Variants in BTBD9 observed in about 807,000 individuals in gnomAD.
The protein encoded by BTBD9 is BTB/POZ domain-containing protein 9.
A neutral mutation model predicts 64.3 loss-of-function variants in BTBD9; 49 were observed. The ratio of observed to expected loss-of-function variants is 0.76; its 90% CI spans 0.61 to 0.97. The LOEUF (loss-of-function observed/expected upper bound fraction) is 0.97, where lower values mean the gene tolerates loss of function less well. Ranked by LOEUF, BTBD9 falls within the 50% of genes least tolerant of loss-of-function variation. The pLI, the probability that BTBD9 is intolerant of heterozygous loss-of-function variation, is 0.00. For synonymous variants in BTBD9, 260 were observed against 274.7 expected (o/e 0.95, Z 0.53); for missense variants, 598 against 762.1 (o/e 0.78, Z 2.53).
intron 6 of BTBD9, among the ~76,000 whole-genome samples, chr6:38,358,436 GAGTGCCAA>G (rs1220402018): frequency 6.6e-6 from 1 of 152,204 alleles, no homozygotes; most frequent in Non-Finnish European, 1.5e-5. Flanking sequence ...TACGGGAATA[GAGTGCCAA>G]AGTAGGAGAA....
intron 6 of BTBD9, among the ~76,000 whole-genome samples, chr6:38,525,283 A>T (rs1377315547): frequency 1.3e-5 from 2 of 152,220 alleles, no homozygotes; most frequent in Non-Finnish European, 2.9e-5. Flanking sequence ...CAACCTTGTA[A>T]AGAAGGTGCC....
At position 38,262,476 on chromosome 6, in the gene BTBD9, T is replaced by C. The variant is rs539677973; in HGVS notation, c.1455-5960A>G. ...AAAGCAGTGAAGTGCTGGGCTTTTT[T>C]TTTTTTTTAATTGATTAGCAGATGT... On this transcript the variant is annotated intron_variant, in intron 8 of 10. Coordinates refer to ENST00000481247, the MANE Select transcript of BTBD9 (RefSeq NM_001099272.2). 2.0e-5 allele frequency among the ~76,000 whole-genome samples: 3 copies of C among 152,236 alleles called. No homozygotes were observed. In the East Asian group the frequency reaches 5.8e-4, roughly 29 times the overall value.
At chr6:38,484,020 T>A (rs1220195028) in intron 6 of BTBD9, among the ~76,000 whole-genome samples, 4 of 152,248 alleles carry the variant, frequency 2.6e-5, no homozygotes, top group Non-Finnish European at 5.9e-5. Flanking sequence ...TTAATCTCGT[T>A]TACTGCTATA....
At chr6:38,351,892 C>A (rs1222588078) in intron 6 of BTBD9, among the ~76,000 whole-genome samples, 2 of 151,966 alleles carry the variant, frequency 1.3e-5, no homozygotes, top group African/African-American at 4.8e-5. Flanking sequence ...CATGATGTGC[C>A]TGATGTGCCT....
At chr6:38,393,336 C>T (rs4714156) in intron 6 of BTBD9, among the ~76,000 whole-genome samples, 55,801 of 152,024 alleles carry the variant, frequency 0.37, 12,426 homozygotes, top group East Asian at 0.84. Flanking sequence ...CCAACATTGT[C>T]GACAAGTCTC....
intron 7 of BTBD9, among the ~76,000 whole-genome samples, chr6:38,341,848 G>A (rs909837226): frequency 7.9e-5 from 12 of 152,214 alleles, no homozygotes; most frequent in Admixed American, 6.5e-5. Context: ...TGTAGTGGCA[G>A]CAGCAAAGGT....
chr6:38,572,879 TAA>T, intron 6 of BTBD9, among the ~76,000 whole-genome samples: 1 of 152,002 alleles, frequency 6.6e-6, no homozygotes, highest in South Asian at 2.1e-4. Flanking sequence ...AGAAATCATT[TAA>T]AAGACTGACA....
intron 1 of BTBD9, among the ~76,000 whole-genome samples, chr6:38,612,665 CAG>C (rs1274749942): frequency 6.6e-6 from 1 of 152,116 alleles, no homozygotes; most frequent in Non-Finnish European, 1.5e-5. Context: ...TGGGGAAATG[CAG>C]AGTCTCAATT....
chr6:38,465,808 A>T (rs1359340041), intron 6 of BTBD9, among the ~76,000 whole-genome samples: 1 of 110,304 alleles, frequency 9.1e-6, no homozygotes, highest in Admixed American at 9.9e-5. Context: ...GACTTAGGTA[A>T]TTTTTATCTT....
intron 9 of BTBD9, among the ~76,000 whole-genome samples, chr6:38,249,775 T>G (rs1024403786): frequency 1.6e-4 from 22 of 138,936 alleles, no homozygotes; most frequent in African/African-American, 5.0e-4. Flanking sequence ...AAAAAAAAAG[T>G]ATATAAGACT....
chr6:38,498,466 A>AC (rs1314800140), intron 6 of BTBD9, among the ~76,000 whole-genome samples: 1 of 151,578 alleles, frequency 6.6e-6, no homozygotes, highest in Non-Finnish European at 1.5e-5. Context: ...CTAAAAAAAA[A>AC]AAAAAAAAAC....
intron 9 of BTBD9, among the ~76,000 whole-genome samples, chr6:38,210,815 C>T (rs903796371): frequency 6.6e-6 from 1 of 152,132 alleles, no homozygotes. Context: ...TACCTTTACC[C>T]TTGTCTATTA....
At chr6:38,587,492 C>T (rs1582677801) in intron 4 of BTBD9, 2 of 549,722 alleles carry the variant, frequency 3.6e-6, no homozygotes, top group East Asian at 8.9e-5. Flanking sequence ...GTTGAAGTAA[C>T]AATAAAGTAT....
intron 6 of BTBD9, among the ~76,000 whole-genome samples, chr6:38,425,250 C>T (rs924543850): frequency 1.3e-5 from 2 of 151,622 alleles, no homozygotes; most frequent in Non-Finnish European, 2.9e-5. Flanking sequence ...AGATTACAGG[C>T]ACCTGCCACC....
chr6:38,568,353 C>A (rs1015696328), intron 6 of BTBD9, among the ~76,000 whole-genome samples: 1 of 152,160 alleles, frequency 6.6e-6, no homozygotes, highest in African/African-American at 2.4e-5. Flanking sequence ...ATCCAAAAAG[C>A]AATCAATGAA....
chr6:38,229,540 T>C (rs1185250114), intron 9 of BTBD9, among the ~76,000 whole-genome samples: 1 of 152,192 alleles, frequency 6.6e-6, no homozygotes, highest in East Asian at 1.9e-4. Flanking sequence ...CAGGCGTGTC[T>C]TGACCAACAC....
chr6:38,570,424 G>C (rs1381186658), intron 6 of BTBD9, among the ~76,000 whole-genome samples: 1 of 152,110 alleles, frequency 6.6e-6, no homozygotes, highest in Non-Finnish European at 1.5e-5. Context: ...ATTAAGTAGC[G>C]GTTTTTCTCC....
intron 9 of BTBD9, among the ~76,000 whole-genome samples, chr6:38,216,578 T>C (rs903503003): frequency 6.6e-6 from 1 of 152,216 alleles, no homozygotes; most frequent in Non-Finnish European, 1.5e-5. Flanking sequence ...TCCTAAACTC[T>C]ATTATTTCCC....
At chr6:38,331,579 C>T (rs1482414889) in intron 7 of BTBD9, among the ~76,000 whole-genome samples, 1 of 152,168 alleles carries the variant, frequency 6.6e-6, no homozygotes, top group Non-Finnish European at 1.5e-5. Flanking sequence ...TTTATTTTGG[C>T]CAGGTGTAGT....
Sources: allele counts gnomAD v4.1 joint callset (sites outside exome capture counted in the v4.1 genomes callset), GRCh38; gene constraint gnomAD v4.1.1; transcripts MANE v1.5; gene names NCBI Gene and HGNC (gene_info 2026-07-23, HGNC 2026-07-21).